The following TRIM61 variants were observed in gnomAD, a reference collection of about 807,000 sequenced individuals.
TRIM61 encodes putative tripartite motif-containing protein 61.
Under a neutral mutation model 14.2 loss-of-function variants are expected in TRIM61, and 1 was observed. That is an observed-to-expected ratio of 0.07 (90% CI 0.03 to 0.33). The LOEUF (loss-of-function observed/expected upper bound fraction) is 0.33. Ranked by LOEUF, TRIM61 falls within the 10% of genes least tolerant of loss-of-function variation. TRIM61 has a pLI of 0.99. For synonymous variants in TRIM61, 8 were observed against 71.6 expected, an observed-to-expected ratio of 0.11 and a Z score of 4.49; for missense variants, 19 against 202.2, an observed-to-expected ratio of 0.09 and a Z score of 5.49.
At chr4:164,962,479 G>A (rs1253872445) in intron 3 of TRIM61, among the ~76,000 whole-genome samples, 3 of 151,764 alleles carry the variant, frequency 2.0e-5, no homozygotes, top group African/African-American at 4.8e-5. Flanking sequence ...TCCTGACCTC[G>A]TGATCTGCCC....
At chr4:164,960,273 G>A (rs142060139) in intron 3 of TRIM61, among the ~76,000 whole-genome samples, 286 of 152,166 alleles carry the variant, frequency 1.9e-3, no homozygotes, top group African/African-American at 6.6e-3. Context: ...GGCTGGACAC[G>A]ATGGTTCATG....
At chr4:164,955,605 G>A (rs1385669461) in intron 3 of TRIM61, among the ~76,000 whole-genome samples, 4 of 147,378 alleles carry the variant, frequency 2.7e-5, no homozygotes, top group Non-Finnish European at 6.0e-5. Context: ...TTTTCCAGAA[G>A]ATATGTCTTT....
chr4:164,957,861 AT>A (rs1165068817), intron 3 of TRIM61: 1 of 183,964 alleles, frequency 5.4e-6, no homozygotes, highest in Non-Finnish European at 1.3e-5. Flanking sequence ...AAGGGTATGT[AT>A]CAATAACAGG....
intron 3 of TRIM61, among the ~76,000 whole-genome samples, chr4:164,967,670 G>GTC (rs950791656): frequency 8.5e-5 from 13 of 152,166 alleles, no homozygotes; most frequent in Admixed American, 8.5e-4. Flanking sequence ...AAAAAATAAA[G>GTC]TAAGTTACTT....
chr4:164,973,442 A>G (rs763513703), intron 2 of TRIM61, among the ~76,000 whole-genome samples: 2 of 152,208 alleles, frequency 1.3e-5, no homozygotes, highest in African/African-American at 2.4e-5. Context: ...AGTTGTTCAT[A>G]TTTAATAATG....
chr4:164,974,929 A>G (rs907887451), intron 2 of TRIM61, among the ~76,000 whole-genome samples: 1 of 151,910 alleles, frequency 6.6e-6, no homozygotes. Context: ...TTGAGCCTGA[A>G]AAAGTTTTAA....
intron 3 of TRIM61, chr4:164,968,467 C>T (rs1164097658): frequency 6.1e-6 from 6 of 981,534 alleles, no homozygotes; most frequent in Middle Eastern, 5.2e-4. Context: ...GTTGCTGAAA[C>T]TGAGATAAAA....
intron 3 of TRIM61, 94 bp downstream of exon 3, chr4:164,968,187 A>G: frequency 1.0e-6 from 1 of 985,118 alleles, no homozygotes; most frequent in Non-Finnish European, 1.2e-6. Flanking sequence ...AAGAAAAAGA[A>G]AAGAGGCTGT....
chr4:164,972,826 A>G (rs1732398866), intron 2 of TRIM61, among the ~76,000 whole-genome samples: 1 of 152,176 alleles, frequency 6.6e-6, no homozygotes, highest in Non-Finnish European at 1.5e-5. Flanking sequence ...CTTGTCCCTC[A>G]GGCCTTCACT....
intron 2 of TRIM61, among the ~76,000 whole-genome samples, chr4:164,975,031 G>A (rs1402840208): frequency 6.6e-6 from 1 of 151,940 alleles, no homozygotes; most frequent in Admixed American, 6.6e-5. Context: ...TCAAGTGTTC[G>A]AGACCAGCCT....
At chr4:164,968,137 A>G (rs1732280576) in intron 3 of TRIM61, 144 bp downstream of exon 3, 1 of 984,564 alleles carries the variant, frequency 1.0e-6, no homozygotes, top group Non-Finnish European at 1.2e-6. Flanking sequence ...TGGGCAACGA[A>G]AAAAGGGGAG....
intron 3 of TRIM61, among the ~76,000 whole-genome samples, chr4:164,961,186 A>AAAAAAAAAAAAAAAAAT (rs1732129434): frequency 7.4e-6 from 1 of 135,568 alleles, no homozygotes; most frequent in Non-Finnish European, 1.6e-5. Context: ...AAAAAAAAAA[A>AAAAAAAAAAAAAAAAAT]AAAAAAAGAA....
At chr4:164,963,744 CA>C (rs70952672) in intron 3 of TRIM61, among the ~76,000 whole-genome samples, 95,548 of 117,098 alleles carry the variant, frequency 0.82, 38,061 homozygotes, top group East Asian at 0.93. Context: ...AACTCTGTTT[CA>C]AAAAAAAAAA....
At chr4:164,969,242 T>G in intron 3 of TRIM61, 1 of 1,389,722 alleles carries the variant, frequency 7.2e-7, no homozygotes, top group Non-Finnish European at 9.3e-7. Context: ...GTGATAGATA[T>G]CCTTAACATT....
At chr4:164,964,118 G>A (rs757923107) in intron 3 of TRIM61, among the ~76,000 whole-genome samples, 8 of 151,994 alleles carry the variant, frequency 5.3e-5, no homozygotes, top group Non-Finnish European at 8.8e-5. Flanking sequence ...GGGAGGCCGA[G>A]GCGGGCTGAT....
At chr4:164,968,285 G>A (rs13134489) in intron 3 of TRIM61, 448,016 of 961,814 alleles carry the variant, frequency 0.47, 106,381 homozygotes, top group East Asian at 0.71. Context: ...AAGAAATACA[G>A]AAAAAAATTA....
At chr4:164,975,112 T>A (rs1732454161) in intron 2 of TRIM61, among the ~76,000 whole-genome samples, 1 of 151,882 alleles carries the variant, frequency 6.6e-6, no homozygotes, top group Admixed American at 6.6e-5. Context: ...GCGCCTGTAG[T>A]CCCAGCTACT....
intron 3 of TRIM61, chr4:164,969,274 C>G: frequency 1.4e-6 from 2 of 1,437,768 alleles, no homozygotes; most frequent in East Asian, 5.0e-5. Context: ...CCAGTTCTGA[C>G]TTCACATATA....
chr4:164,955,127 G>A (rs1246036050), intron 3 of TRIM61: 1 of 200,204 alleles, frequency 5.0e-6, no homozygotes, highest in Non-Finnish European at 1.0e-5. Flanking sequence ...AAATTATTAT[G>A]GTATTATAGT....
Sources: allele counts gnomAD v4.1 joint callset (sites outside exome capture counted in the v4.1 genomes callset), GRCh38; gene constraint gnomAD v4.1.1; transcripts MANE v1.5; gene names NCBI Gene and HGNC (gene_info 2026-07-23, HGNC 2026-07-21).